The following CDH13 variants were observed in gnomAD, a reference collection of about 807,000 sequenced individuals.
CDH13 encodes the protein cadherin 13.
Under a neutral mutation model 63.8 loss-of-function variants are expected in CDH13, and 24 were observed. The ratio of observed to expected loss-of-function variants is 0.38; its 90% CI spans 0.27 to 0.53. The LOEUF (loss-of-function observed/expected upper bound fraction) is 0.53. CDH13 is among the 20% of genes least tolerant of loss of function. The pLI is 0.85. For synonymous variants in CDH13, 503 were observed against 355.3 expected (o/e 1.42, Z -4.67); for missense variants, 1,049 against 903.1 (o/e 1.16, Z -2.07).
chr16:82,753,090 A>G (rs1294287834), intron 1 of CDH13, among the ~76,000 whole-genome samples: 1 of 152,112 alleles, frequency 6.6e-6, no homozygotes, highest in Non-Finnish European at 1.5e-5. Context: ...AAATCCTGAA[A>G]TTTCAAAAGT....
chr16:83,524,857 C>T (rs2151624764), intron 7 of CDH13, among the ~76,000 whole-genome samples: 1 of 152,226 alleles, frequency 6.6e-6, no homozygotes, highest in Admixed American at 6.5e-5. Context: ...CACCATCTAA[C>T]ACAGAAAAGC....
chr16:82,856,254 T>C (rs1204282787), intron 1 of CDH13, among the ~76,000 whole-genome samples: 1 of 151,384 alleles, frequency 6.6e-6, no homozygotes, highest in African/African-American at 2.4e-5. Flanking sequence ...CGGGCGCCTG[T>C]AGTCCCACTT....
intron 2 of CDH13, among the ~76,000 whole-genome samples, chr16:83,014,210 T>A (rs1199064447): frequency 6.6e-6 from 1 of 150,770 alleles, no homozygotes; most frequent in African/African-American, 2.4e-5. Flanking sequence ...CATTGAAAAA[T>A]TTTCAAACTA....
intron 3 of CDH13, among the ~76,000 whole-genome samples, chr16:83,073,830 C>T (rs2032626332): frequency 6.6e-6 from 1 of 151,830 alleles, no homozygotes; most frequent in Admixed American, 6.6e-5. Context: ...CAATTGTCTA[C>T]CAGTGACAGA....
At chr16:83,694,344 T>C (rs1905176831) in intron 10 of CDH13, among the ~76,000 whole-genome samples, 1 of 152,150 alleles carries the variant, frequency 6.6e-6, no homozygotes, top group Admixed American at 6.5e-5. Flanking sequence ...TGGGAGAGAA[T>C]GGGAGTGGGT....
At chr16:83,668,182 C>T (rs965340701) in intron 8 of CDH13, among the ~76,000 whole-genome samples, 2 of 152,150 alleles carry the variant, frequency 1.3e-5, no homozygotes, top group Admixed American at 1.3e-4. Context: ...TTTGTCCCTT[C>T]ACATTCCCTC....
intron 2 of CDH13, among the ~76,000 whole-genome samples, chr16:82,968,627 C>T (rs554438979): frequency 6.6e-6 from 1 of 152,266 alleles, no homozygotes; most frequent in East Asian, 1.9e-4. Context: ...GATTCCAAGA[C>T]CCATCTCTCC....
intron 6 of CDH13, among the ~76,000 whole-genome samples, chr16:83,439,428 A>G (rs1367064862): frequency 6.6e-6 from 1 of 152,206 alleles, no homozygotes; most frequent in East Asian, 1.9e-4. Flanking sequence ...TAGAAAAGAC[A>G]TATAATTTGG....
At chr16:83,297,354 A>G (rs1366742720) in intron 5 of CDH13, among the ~76,000 whole-genome samples, 1 of 152,230 alleles carries the variant, frequency 6.6e-6, no homozygotes, top group Admixed American at 6.5e-5. Context: ...TAAATTATTA[A>G]TACAATAATT....
At chr16:83,263,976 A>C (rs996058486) in intron 5 of CDH13, among the ~76,000 whole-genome samples, 1 of 152,254 alleles carries the variant, frequency 6.6e-6, no homozygotes, top group African/African-American at 2.4e-5. Context: ...TCTTATGTCA[A>C]GATCCTAAAG....
At chr16:83,699,158 A>G (rs950038723) in intron 10 of CDH13, among the ~76,000 whole-genome samples, 1 of 152,246 alleles carries the variant, frequency 6.6e-6, no homozygotes, top group Non-Finnish European at 1.5e-5. Flanking sequence ...TGGCCCCCAA[A>G]GCACGGGCAT....
At chr16:83,508,091 G>GGAAGGAAGGAAGGAAGGAAA (rs1230822159) in intron 7 of CDH13, among the ~76,000 whole-genome samples, 1 of 63,506 alleles carries the variant, frequency 1.6e-5, no homozygotes, top group Non-Finnish European at 3.4e-5. Flanking sequence ...AAGGAAGGAA[G>GGAAGGAAGGAAGGAAGGAAA]GAAGGAAAGA....
At chr16:82,958,944 G>C (rs1165239549) in intron 2 of CDH13, among the ~76,000 whole-genome samples, 1 of 152,210 alleles carries the variant, frequency 6.6e-6, no homozygotes, top group Non-Finnish European at 1.5e-5. Context: ...GGTTTTCCTG[G>C]TGCAGAAAGA....
At chr16:82,859,736 A>G (rs1292151892) in intron 2 of CDH13, 3 of 134,702 alleles carry the variant, frequency 2.2e-5, no homozygotes, top group Admixed American at 7.3e-5. Flanking sequence ...GAAAGACAAG[A>G]AAAAAAAAAA....
intron 2 of CDH13, among the ~76,000 whole-genome samples, chr16:82,928,547 C>T (rs2042379012): frequency 6.6e-6 from 1 of 152,174 alleles, no homozygotes; most frequent in Non-Finnish European, 1.5e-5. Context: ...CTTTGGGCAA[C>T]ATAGAATATT....
At chr16:83,427,510 C>T (rs1293636985) in intron 6 of CDH13, among the ~76,000 whole-genome samples, 1 of 152,116 alleles carries the variant, frequency 6.6e-6, no homozygotes, top group Non-Finnish European at 1.5e-5. Flanking sequence ...ACCTAACCCC[C>T]ATGAGACTGA....
At chr16:83,621,915 A>G (rs533671213) in intron 8 of CDH13, among the ~76,000 whole-genome samples, 42 of 152,188 alleles carry the variant, frequency 2.8e-4, no homozygotes, top group African/African-American at 1.0e-3. Flanking sequence ...TCCCTCCGTC[A>G]TTTCTTCTCA....
At chr16:83,291,564 A>G (rs933512607) in intron 5 of CDH13, among the ~76,000 whole-genome samples, 6 of 151,386 alleles carry the variant, frequency 4.0e-5, no homozygotes, top group African/African-American at 9.8e-5. Flanking sequence ...TGTTAACCCT[A>G]TGCAAAAATA....
At chr16:83,435,572 C>T (rs2072270783) in intron 6 of CDH13, among the ~76,000 whole-genome samples, 1 of 152,188 alleles carries the variant, frequency 6.6e-6, no homozygotes, top group African/African-American at 2.4e-5. Context: ...CCTGGTCTCC[C>T]TGAACGTGCC....
Sources: allele counts gnomAD v4.1 joint callset (sites outside exome capture counted in the v4.1 genomes callset), GRCh38; gene constraint gnomAD v4.1.1; transcripts MANE v1.5; gene names NCBI Gene and HGNC (gene_info 2026-07-23, HGNC 2026-07-21).